The following RIOK1 variants were observed in gnomAD, a reference collection of about 807,000 sequenced individuals.
RIOK1 encodes the protein serine/threonine-protein kinase RIO1.
Under a neutral mutation model 73.5 loss-of-function variants are expected in RIOK1, and 66 were observed. The observed-to-expected ratio is 0.90, with a 90% confidence interval of 0.74 to 1.10. The LOEUF (loss-of-function observed/expected upper bound fraction) is 1.10. Among genes scored for constraint, RIOK1 ranks in the 50% least tolerant of loss-of-function variants. RIOK1 has a pLI of 0.00. For missense variants in RIOK1, 658 were observed against 699.8 expected, an observed-to-expected ratio of 0.94 and a Z score of 0.67; for synonymous variants, 224 against 226.8, an observed-to-expected ratio of 0.99 and a Z score of 0.11.
At chr6:7,401,538 A>G (rs750566708) in intron 6 of RIOK1, among the ~76,000 whole-genome samples, 17 of 151,864 alleles carry the variant, frequency 1.1e-4, no homozygotes, top group Non-Finnish European at 2.2e-4. Context: ...GCTAATAAAT[A>G]TATGTGAGTG....
chr6:7,414,525 A>G (rs1238370254), intron 16 of RIOK1, 135 bp downstream of exon 16: 2 of 842,592 alleles, frequency 2.4e-6, no homozygotes, highest in Non-Finnish European at 3.6e-6. Context: ...CAGTTTTAAT[A>G]CCTAAGTGTG....
chr6:7,392,578 G>A (rs150205865), intron 1 of RIOK1, among the ~76,000 whole-genome samples: 73 of 151,480 alleles, frequency 4.8e-4, no homozygotes, highest in African/African-American at 1.7e-3. Context: ...GGAGTACAGT[G>A]GCACGATCAT....
At chr6:7,394,111 T>C (rs976832983) in intron 2 of RIOK1, among the ~76,000 whole-genome samples, 39 of 152,330 alleles carry the variant, frequency 2.6e-4, no homozygotes, top group Admixed American at 2.2e-3. Flanking sequence ...GCATAAAGGT[T>C]AATCCAGCAG....
At chr6:7,404,065 A>G (rs1160585222) in intron 9 of RIOK1, 38 bp downstream of exon 9, 5 of 1,375,560 alleles carry the variant, frequency 3.6e-6, no homozygotes, top group Non-Finnish European at 5.2e-6. Context: ...CATTCTCAGA[A>G]CTGTATTTTT....
chr6:7,405,314 C>T lies in RIOK1; in HGVS notation c.1162C>T (p.Pro388Ser), dbSNP rs747925987. The change falls in exon 12 of 17, where the codon CCA becomes TCA. Residue 388 changes from proline (P) to serine (S), a missense_variant. By Grantham distance (74) the Pro-to-Ser change is moderately conservative. Coordinates refer to ENST00000379834, the MANE Select transcript of RIOK1 (RefSeq NM_031480.3). ...VRELFEFVTDPSITHENMDAY... is the reference protein window; with the variant it reads ...VRELFEFVTDSSITHENMDAY... Reference sequence around the variant, plus strand: ...GGAGCTCTTTGAATTTGTCACAGATCCATCCATTACACATGAGAACATGGA... The same window carrying T: ...GGAGCTCTTTGAATTTGTCACAGATTCATCCATTACACATGAGAACATGGA... 21 of 1,612,246 alleles carry T rather than the reference C, an allele frequency of 1.3e-5. No homozygotes were observed. In the South Asian group the frequency reaches 2.2e-4, roughly 17 times the overall value.
intron 15 of RIOK1, 30 bp from the exon 16 acceptor site, chr6:7,414,208 A>G (rs779221999): frequency 1.3e-6 from 2 of 1,582,110 alleles, no homozygotes; most frequent in African/African-American, 1.4e-5. Context: ...TGTGTTGTTT[A>G]GAATAACATG....
intron 12 of RIOK1, among the ~76,000 whole-genome samples, chr6:7,407,060 A>G (rs1761764441): frequency 6.6e-6 from 1 of 152,222 alleles, no homozygotes; most frequent in Non-Finnish European, 1.5e-5. Context: ...GGTTGCTTAT[A>G]CCTTCTGGCT....
At position 7,417,966 on chromosome 6, in the gene RIOK1, C is replaced by G. The variant is rs557458885; in HGVS notation, c.*525C>G. 23 of 152,358 alleles carry G rather than the reference C, an allele frequency of 1.5e-4. No homozygotes were observed. The highest frequency in any genetic ancestry group is 5.3e-4 in the African/African-American group (22 of 41,582). The allele number at this position is 152,358 out of a possible 1,614,324, so 9.4% of individuals were successfully genotyped here. ...TGTGTATTGGCGATCATTTGTAATGCTCTTACACTTCGTCTTTAATGTTCT... is the reference window on the plus strand; with the variant it reads ...TGTGTATTGGCGATCATTTGTAATGGTCTTACACTTCGTCTTTAATGTTCT... On this transcript the variant is annotated 3_prime_UTR_variant, in exon 17 of 17. Transcript: ENST00000379834.
At position 7,402,616 on chromosome 6, in the gene RIOK1, A is replaced by G. The variant is rs756968345; in HGVS notation, c.587A>G (p.His196Arg). 6.2e-7 allele frequency: 1 copy of G among 1,602,424 alleles called. No individual in the cohort carries two copies. Among genetic ancestry groups the G allele is most frequent in the East Asian group, 2.2e-5 (1 of 44,768 alleles). ...ISTGKEANVY[H>R]ASTANGESRA... ...GACTTAATATAGGCTAATGTATACC[A>G]TGCTAGCACAGCAAATGGAGAGAGC... is the stretch of plus-strand genomic sequence containing the variant. The change falls in exon 7 of 17, where the codon CAT becomes CGT. Residue 196 changes from histidine (H) to arginine (R), a missense_variant. Coordinates refer to ENST00000379834, the MANE Select transcript of RIOK1 (RefSeq NM_031480.3).
chr6:7,395,264 G>C, intron 3 of RIOK1, 121 bp downstream of exon 3: 1 of 1,102,700 alleles, frequency 9.1e-7, no homozygotes, highest in East Asian at 2.8e-5. Context: ...CTGTAATCCC[G>C]GCACTTTGGG....
intron 6 of RIOK1, among the ~76,000 whole-genome samples, chr6:7,402,153 G>A (rs144235647): frequency 2.3e-3 from 353 of 152,222 alleles, no homozygotes; most frequent in Middle Eastern, 0.014. Context: ...GTCATTATGC[G>A]AAGAACATTA....
chr6:7,411,336 T>G lies in RIOK1; in HGVS notation c.1274T>G (p.Phe425Cys). Residue 425 changes from phenylalanine (F) to cysteine (C), a missense_variant, in exon 14 of 17, where the codon TTT becomes TGT. Transcript: ENST00000379834. Reference sequence around the variant, plus strand: ...TTTGCTTTTCCTCTCTGTTAGGTGTTTAAGCGAGCATATATTCCTAGAACC... The same window carrying G: ...TTTGCTTTTCCTCTCTGTTAGGTGTGTAAGCGAGCATATATTCCTAGAACC... ...SSQDHVDEEV[F>C]KRAYIPRTLN... The G allele has an allele frequency of 1.2e-6, 2 of 1,613,944 alleles. No homozygotes were observed. Among genetic ancestry groups the G allele is most frequent in the Non-Finnish European group, 1.7e-6 (2 of 1,179,932 alleles).
At chr6:7,407,868 A>G (rs901315012) in intron 12 of RIOK1, among the ~76,000 whole-genome samples, 1 of 151,698 alleles carries the variant, frequency 6.6e-6, no homozygotes, top group Non-Finnish European at 1.5e-5. Context: ...CAGATACGTG[A>G]TTTGCAAATG....
In RIOK1 at chr6:7,389,870, TG is replaced by T; in HGVS notation, c.-131del. ...GGTCCCGTTTTCCCGTCGCACGTGG[TG>T]GCCACTGTTGGCTTCTGAATGGTTT... On this transcript the variant is annotated 5_prime_UTR_variant, in exon 1 of 17. Transcript: ENST00000379834. The T allele has an allele frequency of 1.6e-6, 1 of 640,594 alleles. No individual in the cohort carries two copies. Among genetic ancestry groups the T allele is most frequent in the East Asian group, 3.0e-5 (1 of 33,726 alleles). 39.7% of individuals were successfully genotyped at this position (640,594 alleles called of 1,614,324 possible). A position where few individuals can be genotyped will look rare whatever the true frequency, so the allele number is the denominator to read the frequency against.
At chr6:7,404,369 G>C (rs761826908) in intron 9 of RIOK1, 49 bp from the exon 10 acceptor site, 1 of 1,604,462 alleles carries the variant, frequency 6.2e-7, no homozygotes, top group African/African-American at 1.3e-5. Context: ...ATAGTAAGAA[G>C]CAAGAAAACT....
At chr6:7,405,933 C>T (rs1194900343) in intron 12 of RIOK1, among the ~76,000 whole-genome samples, 1 of 150,930 alleles carries the variant, frequency 6.6e-6, no homozygotes, top group East Asian at 1.9e-4. Context: ...AATTCTTTTC[C>T]CTTGTTTCTC....
chr6:7,413,321 G>GTA (rs1761930188), intron 15 of RIOK1, among the ~76,000 whole-genome samples: 1 of 152,140 alleles, frequency 6.6e-6, no homozygotes, highest in Non-Finnish European at 1.5e-5. Flanking sequence ...TCCTACCAGG[G>GTA]TATTACTTGT....
chr6:7,402,303 C>A (rs2113511832), intron 6 of RIOK1, among the ~76,000 whole-genome samples: 1 of 152,210 alleles, frequency 6.6e-6, no homozygotes, highest in South Asian at 2.1e-4. Context: ...TCTATCTAAA[C>A]ATAGAAAAAG....
chr6:7,393,007 C>A (rs961042235), intron 1 of RIOK1, 92 bp from the exon 2 acceptor site: 3 of 1,338,530 alleles, frequency 2.2e-6, no homozygotes, highest in African/African-American at 3.0e-5. Flanking sequence ...TTAGATTTAT[C>A]AATATTTTAA....
Sources: gnomAD v4.1 joint callset for allele counts (sites outside exome capture counted in the v4.1 genomes callset) on GRCh38, gnomAD v4.1.1 for gene constraint, MANE v1.5 for transcripts, NCBI Gene and HGNC (gene_info 2026-07-23, HGNC 2026-07-21) for gene names.